The following NCOA2 variants were observed in gnomAD, a reference collection of about 807,000 sequenced individuals.
NCOA2 encodes class E basic helix-loop-helix protein 75.
In NCOA2, 21 loss-of-function variants were observed where a neutral mutation model predicts 145.1. The observed-to-expected ratio is 0.14, with a 90% CI of 0.10 to 0.21. The LOEUF (loss-of-function observed/expected upper bound fraction) is 0.21. NCOA2 is among the 10% of genes least tolerant of loss of function. The probability of loss-of-function intolerance (pLI) is 1.00; values close to 1 mark genes in which losing one functional copy is unlikely to be tolerated. For missense variants in NCOA2, 1,472 were observed against 1,837.6 expected, an observed-to-expected ratio of 0.80 and a Z score of 3.64; for synonymous variants, 619 against 637.5, an observed-to-expected ratio of 0.97 and a Z score of 0.44.
intron 1 of NCOA2, among the ~76,000 whole-genome samples, chr8:70,379,413 C>G (rs994606891): frequency 6.6e-6 from 1 of 152,136 alleles, no homozygotes; most frequent in East Asian, 1.9e-4. Flanking sequence ...GATTTAATAT[C>G]ATGTGGTTTC....
chr8:70,281,183 G>A (rs1293340245), intron 2 of NCOA2, among the ~76,000 whole-genome samples: 2 of 151,434 alleles, frequency 1.3e-5, no homozygotes, highest in South Asian at 2.1e-4. Context: ...GTGAAATCCC[G>A]TCTCTACTAA....
intron 14 of NCOA2, 70 bp from the exon 15 acceptor site, chr8:70,138,402 A>C (rs1315115861): frequency 7.2e-7 from 1 of 1,395,476 alleles, no homozygotes; most frequent in Non-Finnish European, 9.5e-7. Flanking sequence ...ATGTAATATA[A>C]AGTGAAATGT....
At chr8:70,260,686 C>T (rs936176549) in intron 2 of NCOA2, among the ~76,000 whole-genome samples, 5 of 152,204 alleles carry the variant, frequency 3.3e-5, no homozygotes, top group African/African-American at 4.8e-5. Flanking sequence ...AGTACACTAA[C>T]ATCCATGTTC....
the NCOA2 span, among the ~76,000 whole-genome samples, chr8:70,452,932 T>C: frequency 7.2e-5 from 11 of 152,200 alleles, no homozygotes; most frequent in Admixed American, 7.2e-4. Context: ...TTTCAAGACC[T>C]AGTTCTTTAA....
chr8:70,123,832 G>GA lies in NCOA2; in HGVS notation c.4293+51dup, dbSNP rs922528213. On this transcript the variant is annotated intron_variant, in intron 21 of 22. Coordinates refer to ENST00000452400, the MANE Select transcript of NCOA2 (RefSeq NM_006540.4). Reference sequence around the variant, plus strand: ...GAAAGATATATTTGATGCAGAAGTAGAAAAAAAGCCGTGATATGAAGCCAC... The same window carrying GA: ...GAAAGATATATTTGATGCAGAAGTAGAAAAAAAAGCCGTGATATGAAGCCAC... The GA allele has an allele frequency of 3.3e-5, 48 of 1,463,314 alleles. No individual in the cohort carries two copies. The African/African-American group carries it at 5.7e-4, about 18-fold the overall frequency. The allele number at this position is 1,463,314 out of a possible 1,614,324, so 90.6% of individuals were successfully genotyped here. A position where few individuals can be genotyped will look rare whatever the true frequency, so the allele number is the denominator to read the frequency against.
chr8:70,402,438 G>A (rs1814370442), intron 1 of NCOA2: 1 of 152,270 alleles, frequency 6.6e-6, no homozygotes. Flanking sequence ...CGGTCCCGCA[G>A]GCCCCGGAAA....
At chr8:70,434,402 G>A in the NCOA2 span, among the ~76,000 whole-genome samples, 1 of 152,210 alleles carries the variant, frequency 6.6e-6, no homozygotes, top group East Asian at 1.9e-4. Flanking sequence ...CATCATTATG[G>A]AGCTAGCTCA....
At chr8:70,421,769 A>G in the NCOA2 span, among the ~76,000 whole-genome samples, 2 of 151,920 alleles carry the variant, frequency 1.3e-5, no homozygotes, top group Admixed American at 1.3e-4. Flanking sequence ...GTAAAAAAAA[A>G]AAAGTAAATG....
At chr8:70,349,736 A>G (rs1174589248) in intron 1 of NCOA2, among the ~76,000 whole-genome samples, 1 of 152,092 alleles carries the variant, frequency 6.6e-6, no homozygotes, top group East Asian at 1.9e-4. Flanking sequence ...TAAATATCTC[A>G]GATTTTCTTT....
chr8:70,119,636 A>G (rs888417646), intron 22 of NCOA2, among the ~76,000 whole-genome samples: 3 of 152,156 alleles, frequency 2.0e-5, no homozygotes, highest in Admixed American at 1.3e-4. Flanking sequence ...AAATCTCCAT[A>G]CTGGCTCTAC....
At chr8:70,441,816 G>GAAACAAAGAA in the NCOA2 span, among the ~76,000 whole-genome samples, 2 of 116,710 alleles carry the variant, frequency 1.7e-5, no homozygotes, top group African/African-American at 6.6e-5. Flanking sequence ...AAGAAAGAAA[G>GAAACAAAGAA]AAGAAAGAAG....
At chr8:70,225,151 C>A (rs1820506481) in intron 2 of NCOA2, among the ~76,000 whole-genome samples, 1 of 152,120 alleles carries the variant, frequency 6.6e-6, no homozygotes, top group Non-Finnish European at 1.5e-5. Context: ...ACCCAATAGA[C>A]CAAGTCACTG....
chr8:70,122,235 A>G (rs1401955327), intron 21 of NCOA2, among the ~76,000 whole-genome samples: 1 of 152,118 alleles, frequency 6.6e-6, no homozygotes, highest in East Asian at 1.9e-4. Flanking sequence ...AAAAGCATAG[A>G]TATCTCTCTA....
chr8:70,406,896 T>C (rs555846082), upstream of NCOA2, among the ~76,000 whole-genome samples: 27 of 152,186 alleles, frequency 1.8e-4, no homozygotes, highest in Non-Finnish European at 3.5e-4. Context: ...CTATAGAATA[T>C]AAGCAAATAA....
At chr8:70,415,672 G>A in the NCOA2 span, among the ~76,000 whole-genome samples, 1 of 152,104 alleles carries the variant, frequency 6.6e-6, no homozygotes, top group Admixed American at 6.5e-5. Flanking sequence ...TTACTTTGCT[G>A]GGCACGGGTT....
At chr8:70,258,670 A>G (rs1405808491) in intron 2 of NCOA2, among the ~76,000 whole-genome samples, 1 of 152,138 alleles carries the variant, frequency 6.6e-6, no homozygotes, top group African/African-American at 2.4e-5. Flanking sequence ...CTTTCTCTTC[A>G]GTAACCCCAC....
chr8:70,312,204 G>T (rs1434921217), intron 1 of NCOA2, among the ~76,000 whole-genome samples: 1 of 152,164 alleles, frequency 6.6e-6, no homozygotes, highest in African/African-American at 2.4e-5. Flanking sequence ...GGAAAAAATG[G>T]TGTTTATTTT....
chr8:70,439,413 G>A, the NCOA2 span, among the ~76,000 whole-genome samples: 1 of 152,198 alleles, frequency 6.6e-6, no homozygotes, highest in Non-Finnish European at 1.5e-5. Context: ...TGACCCTTGA[G>A]CTGAGTCTTC....
chr8:70,145,573 G>A (rs1032158717), intron 12 of NCOA2, among the ~76,000 whole-genome samples: 1 of 151,292 alleles, frequency 6.6e-6, no homozygotes, highest in Admixed American at 6.6e-5. Context: ...CGCCTGCCTC[G>A]GCCTCCCAAA....
Sources: gnomAD v4.1 joint callset for allele counts (sites outside exome capture counted in the v4.1 genomes callset) on GRCh38, gnomAD v4.1.1 for gene constraint, MANE v1.5 for transcripts, NCBI Gene and HGNC (gene_info 2026-07-23, HGNC 2026-07-21) for gene names.